The following ITGA6 variants were observed in gnomAD, a reference collection of about 807,000 sequenced individuals.
ITGA6 encodes the protein integrin alpha-6.
A neutral mutation model predicts 133.6 loss-of-function variants in ITGA6; 63 were observed. The ratio of observed to expected loss-of-function variants is 0.47; its 90% CI spans 0.38 to 0.58. The LOEUF (loss-of-function observed/expected upper bound fraction) is 0.58. Among genes scored for constraint, ITGA6 ranks in the 20% least tolerant of loss-of-function variants. ITGA6 has a pLI of 0.00. For synonymous variants in ITGA6, 434 were observed against 482.0 expected, an observed-to-expected ratio of 0.90 and a Z score of 1.30; for missense variants, 1,068 against 1,309.4, an observed-to-expected ratio of 0.82 and a Z score of 2.85.
intron 1 of ITGA6, among the ~76,000 whole-genome samples, chr2:172,441,474 T>G (rs1684535059): frequency 6.9e-6 from 1 of 145,298 alleles, no homozygotes; most frequent in Non-Finnish European, 1.5e-5. Flanking sequence ...GAGGAAGGCC[T>G]GAGCCTAGGA....
intron 1 of ITGA6, among the ~76,000 whole-genome samples, chr2:172,434,860 TA>T (rs1021953747): frequency 6.6e-6 from 1 of 152,034 alleles, no homozygotes; most frequent in Admixed American, 6.5e-5. Flanking sequence ...GAAATAAAAA[TA>T]AACTTTGCAA....
At chr2:172,433,083 T>G (rs1185101135) in intron 1 of ITGA6, among the ~76,000 whole-genome samples, 1 of 152,158 alleles carries the variant, frequency 6.6e-6, no homozygotes. Flanking sequence ...CGCTGGCTCC[T>G]GGGAGGATGG....
rs1313524542 is a variant in ITGA6, at chr2:172,485,183, A to G, written c.1773A>G (p.Pro591=). 5.0e-6 allele frequency: 8 copies of G among 1,613,566 alleles called. No individual in the cohort carries two copies. The change falls in exon 13 of 26, where the codon CCA becomes CCG. Residue 591 remains proline (P), a synonymous_variant. Transcript: ENST00000684293. The part of the protein sequence containing the change: ...PITASVEIQE[P]SSRRRVNSLP... ...CTGCCTCAGTGGAGATCCAAGAGCC[A>G]AGCTCTCGTAGGCGAGTGAATTCAC...
In ITGA6 at chr2:172,457,243, C is replaced by T. The variant is rs995994698; in HGVS notation, c.183-8296C>T. ...TTGGGAGGTGGAGGTTGAAGTGAGC[C>T]GAGATCACAACACTGCACTTCAGCC... On this transcript the variant is annotated intron_variant, in intron 1 of 25. Transcript: ENST00000684293. Among the ~76,000 whole-genome samples the T allele has an allele frequency of 5.0e-5, 7 of 139,608 alleles. No individual in the cohort carries two copies. In the South Asian group the frequency reaches 6.6e-4, roughly 13 times the overall value. 91.6% of individuals were successfully genotyped at this position (139,608 alleles called of 152,430 possible). A position where few individuals can be genotyped will look rare whatever the true frequency, so the allele number is the denominator to read the frequency against.
intron 1 of ITGA6, among the ~76,000 whole-genome samples, chr2:172,457,866 G>A (rs1685276295): frequency 6.6e-6 from 1 of 152,154 alleles, no homozygotes; most frequent in Non-Finnish European, 1.5e-5. Flanking sequence ...GGCTCCTCAA[G>A]GCTCCCTAAT....
chr2:172,487,698 C>T (rs200178416), intron 16 of ITGA6, 30 bp from the exon 17 acceptor site: 3 of 1,593,952 alleles, frequency 1.9e-6, no homozygotes, highest in Admixed American at 3.3e-5. Flanking sequence ...TATGCATGGC[C>T]TGTGTTAACA....
At chr2:172,457,352 C>T (rs1371955415) in intron 1 of ITGA6, among the ~76,000 whole-genome samples, 5 of 150,166 alleles carry the variant, frequency 3.3e-5, no homozygotes, top group Non-Finnish European at 3.0e-5. Context: ...AATACTCATT[C>T]CTCAGGATTT....
At chr2:172,480,214 C>T (rs2149057012) in intron 11 of ITGA6, among the ~76,000 whole-genome samples, 163 bp downstream of exon 11, 1 of 152,274 alleles carries the variant, frequency 6.6e-6, no homozygotes, top group Non-Finnish European at 1.5e-5. Flanking sequence ...CAGGAGGGCA[C>T]AGCACCGTGA....
chr2:172,432,380 TGTA>T (rs1291296896), intron 1 of ITGA6, among the ~76,000 whole-genome samples: 1 of 152,256 alleles, frequency 6.6e-6, no homozygotes, highest in African/African-American at 2.4e-5. Context: ...CCAACTGGAT[TGTA>T]GGTTATGTGA....
At chr2:172,446,962 A>G (rs1207892722) in intron 1 of ITGA6, among the ~76,000 whole-genome samples, 1 of 152,152 alleles carries the variant, frequency 6.6e-6, no homozygotes, top group African/African-American at 2.4e-5. Context: ...CAGTGGCGCA[A>G]TCTTGGCTTA....
rs1054338733 is a variant in ITGA6, at chr2:172,438,997, A to G, written c.182+11027A>G. 2.6e-5 allele frequency among the ~76,000 whole-genome samples: 4 copies of G among 152,084 alleles called. No individual in the cohort carries two copies. The South Asian group carries it at 8.3e-4, about 31-fold the overall frequency. On this transcript the variant is annotated intron_variant, in intron 1 of 25. Transcript: ENST00000684293. ...TGCTATATTTGAGCTACAGAGAACCACGACTTTTTATTTTGAGTTCTTACA... is the reference window on the plus strand; with the variant it reads ...TGCTATATTTGAGCTACAGAGAACCGCGACTTTTTATTTTGAGTTCTTACA...
intron 1 of ITGA6, chr2:172,465,195 TATG>T: frequency 2.9e-6 from 1 of 338,988 alleles, no homozygotes; most frequent in Non-Finnish European, 5.6e-6. Context: ...TTGAGTTTCA[TATG>T]ATATCCCTGG....
In ITGA6 at chr2:172,471,184, C is replaced by T. The variant is rs895152990; in HGVS notation, c.775+79C>T. The T allele has an allele frequency of 1.6e-5, 25 of 1,549,784 alleles. No individual in the cohort carries two copies. In the African/African-American group the frequency reaches 2.9e-4, roughly 18 times the overall value. Reference sequence around the variant, plus strand: ...GAAACTCCCTCGCAGGGCCTATGGCCCCTGGACTTCTAGGCTGAGAAGAGG... The same window carrying T: ...GAAACTCCCTCGCAGGGCCTATGGCTCCTGGACTTCTAGGCTGAGAAGAGG... On this transcript the variant is annotated intron_variant, in intron 5 of 25. Coordinates refer to ENST00000684293, the MANE Select transcript of ITGA6 (RefSeq NM_000210.4).
chr2:172,443,701 T>C (rs1325053392), intron 1 of ITGA6, among the ~76,000 whole-genome samples: 1 of 152,254 alleles, frequency 6.6e-6, no homozygotes, highest in African/African-American at 2.4e-5. Flanking sequence ...GAATGGCTTG[T>C]TGGAATGTGT....
chr2:172,465,271 C>T, intron 1 of ITGA6: 1 of 528,776 alleles, frequency 1.9e-6, no homozygotes. Context: ...CAGATCATAC[C>T]CAGCAAGAAA....
At chr2:172,460,831 G>A (rs1685400903) in intron 1 of ITGA6, among the ~76,000 whole-genome samples, 1 of 152,150 alleles carries the variant, frequency 6.6e-6, no homozygotes, top group South Asian at 2.1e-4. Context: ...AGCAATAATA[G>A]TGTTCTTGTT....
chr2:172,475,794 C>A, intron 8 of ITGA6, 109 bp downstream of exon 8: 1 of 717,402 alleles, frequency 1.4e-6, no homozygotes, highest in Non-Finnish European at 2.5e-6. Flanking sequence ...ATTTACAAGT[C>A]CACAATAGTA....
Position 172,491,090 on chromosome 2 carries a change from T to C in ITGA6, c.2746T>C (p.Ser916Pro), listed in dbSNP as rs1391267327. The C allele has an allele frequency of 1.9e-6, 3 of 1,588,922 alleles. No individual in the cohort carries two copies. Among genetic ancestry groups the C allele is most frequent in the Admixed American group, 1.7e-5 (1 of 59,954 alleles). Reference sequence around the variant, plus strand: ...ACAGATAGATGATAACAGAAAATTTTCTTTATTTGCTGAAAGAAAATACCA... The same window carrying C: ...ACAGATAGATGATAACAGAAAATTTCCTTTATTTGCTGAAAGAAAATACCA... ...EKQIDDNRKF[S>P]LFAERKYQTL... Residue 916 changes from serine (S) to proline (P), a missense_variant, in exon 21 of 26, where the codon TCT becomes CCT. Coordinates refer to ENST00000684293, the MANE Select transcript of ITGA6 (RefSeq NM_000210.4). This position sits in a 1 kb window ranked among gnomAD's most constrained non-coding sequence, Gnocchi z 4.4.
rs1017548247 is a variant in ITGA6 at position 172,497,314 on chromosome 2, T to C, written c.2989-661T>C. ...TGAAGCCAGCACTTTGTGAACAACA[T>C]AGACCCTGTCTCAACAAAAAAATTT... On this transcript the variant is annotated intron_variant, in intron 23 of 25. Coordinates refer to ENST00000684293, the MANE Select transcript of ITGA6 (RefSeq NM_000210.4). Among the ~76,000 whole-genome samples the C allele has an allele frequency of 7.9e-5, 12 of 151,820 alleles. 1 individual carries two copies. The highest frequency in any genetic ancestry group is 2.4e-5 in the African/African-American group (1 of 41,256).
Sources: gnomAD v4.1 joint callset for allele counts (sites outside exome capture counted in the v4.1 genomes callset) on GRCh38, gnomAD v4.1.1 for gene constraint, Gnocchi (gnomAD v3.1) non-coding constraint, MANE v1.5 for transcripts, NCBI Gene and HGNC (gene_info 2026-07-23, HGNC 2026-07-21) for gene names.